The following RAB2A variants were observed in gnomAD, a reference collection of about 807,000 sequenced individuals.
RAB2A encodes the protein RAB2A, member RAS oncogene family.
RAB2A carries 7 observed loss-of-function variants against 32.5 expected under a neutral mutation model. The ratio of observed to expected loss-of-function variants is 0.22; its 90% CI spans 0.12 to 0.40. The LOEUF (loss-of-function observed/expected upper bound fraction) is 0.40, where lower values mean the gene tolerates loss of function less well. Ranked by LOEUF, RAB2A falls within the 10% of genes least tolerant of loss-of-function variation. The pLI is 1.00. For missense variants in RAB2A, 108 were observed against 260.7 expected (o/e 0.41, Z 4.03); for synonymous variants, 79 against 85.2 (o/e 0.93, Z 0.40).
chr8:60,618,242 G>A (rs1274718170), intron 6 of RAB2A, among the ~76,000 whole-genome samples: 2 of 152,152 alleles, frequency 1.3e-5, no homozygotes, highest in African/African-American at 4.8e-5. Flanking sequence ...CTTCATCTTC[G>A]AATATGATGT....
At chr8:60,550,314 A>G (rs932498760) in intron 1 of RAB2A, among the ~76,000 whole-genome samples, 3 of 151,904 alleles carry the variant, frequency 2.0e-5, no homozygotes, top group Admixed American at 1.3e-4. Flanking sequence ...ACTACCCCCA[A>G]TGCAACCACC....
intron 6 of RAB2A, among the ~76,000 whole-genome samples, chr8:60,598,204 A>G (rs1183963788): frequency 2.6e-5 from 4 of 152,230 alleles, no homozygotes; most frequent in Admixed American, 6.5e-5. Flanking sequence ...TCTCACAAAA[A>G]AGAAAAAAAT....
intron 1 of RAB2A, among the ~76,000 whole-genome samples, chr8:60,543,227 C>G (rs567104679): frequency 1.6e-4 from 24 of 152,300 alleles, no homozygotes; most frequent in South Asian, 6.2e-4. Context: ...GAAAGTTGTT[C>G]TGTCACATTT....
Position 60,621,833 on chromosome 8 carries a change from T to C in RAB2A, c.*1064T>C. On this transcript the variant is annotated 3_prime_UTR_variant, in exon 8 of 8. Transcript: ENST00000262646. ...TAAAATATGGTGAGCATCTTGTCTG[T>C]TTTGAAGGGGATATGACAATAAATC... The C allele has an allele frequency of 6.6e-6, 1 of 152,180 alleles. No individual in the cohort carries two copies. The highest frequency in any genetic ancestry group is 1.9e-4 in the East Asian group (1 of 5,194). The allele number at this position is 152,180 out of a possible 1,614,324, so 9.4% of individuals were successfully genotyped here.
chr8:60,547,378 T>C (rs1436939626), intron 1 of RAB2A, among the ~76,000 whole-genome samples: 2 of 152,210 alleles, frequency 1.3e-5, no homozygotes, highest in Admixed American at 6.5e-5. Flanking sequence ...AAACCGCCAT[T>C]GTCATCATGG....
intron 1 of RAB2A, 109 bp downstream of exon 1, chr8:60,517,362 C>T (rs1807222394): frequency 1.9e-6 from 2 of 1,042,262 alleles, no homozygotes; most frequent in Non-Finnish European, 2.6e-6. Context: ...CGGCGCCTCC[C>T]TCCTGGCCGC....
chr8:60,578,883 G>A (rs1005021645), intron 3 of RAB2A, among the ~76,000 whole-genome samples: 4 of 152,182 alleles, frequency 2.6e-5, no homozygotes, highest in African/African-American at 7.2e-5. Flanking sequence ...ATCCTCACAT[G>A]AAAGATGAAG....
chr8:60,529,813 A>G (rs1406946156), intron 1 of RAB2A, among the ~76,000 whole-genome samples: 1 of 152,130 alleles, frequency 6.6e-6, no homozygotes, highest in African/African-American at 2.4e-5. Flanking sequence ...AAAAGATGAT[A>G]CTCCATAGAT....
At position 60,623,478 on chromosome 8, in the gene RAB2A, T is replaced by A. The variant is rs1804561994; in HGVS notation, c.*2709T>A. 6.6e-6 allele frequency: 1 copy of A among 152,176 alleles called. No homozygotes were observed. Among genetic ancestry groups the A allele is most frequent in the Non-Finnish European group, 1.5e-5 (1 of 68,040 alleles). The allele number at this position is 152,176 out of a possible 1,614,324, so 9.4% of individuals were successfully genotyped here. A position where few individuals can be genotyped will look rare whatever the true frequency, so the allele number is the denominator to read the frequency against. ...GTTGGCAGCATGGGGTTTGACTATA[T>A]GAGCTAAAAGATACACAAAGAGATA... is the stretch of plus-strand genomic sequence containing the variant. On this transcript the variant is annotated 3_prime_UTR_variant, in exon 8 of 8. Transcript: ENST00000262646.
intron 2 of RAB2A, among the ~76,000 whole-genome samples, chr8:60,566,637 A>G (rs1416603535): frequency 6.6e-6 from 1 of 152,066 alleles, no homozygotes; most frequent in African/African-American, 2.4e-5. Flanking sequence ...ATATGGGGGT[A>G]CATGTGCATG....
At chr8:60,616,556 A>G (rs894594212) in intron 6 of RAB2A, among the ~76,000 whole-genome samples, 2 of 152,234 alleles carry the variant, frequency 1.3e-5, no homozygotes, top group African/African-American at 4.8e-5. Flanking sequence ...GATAACCTCA[A>G]TTTTGAAGAA....
rs112517785 is a variant in RAB2A at position 60,556,362 on chromosome 8, A to T, written c.47-2490A>T. 4.0e-3 allele frequency among the ~76,000 whole-genome samples: 608 copies of T among 152,312 alleles called. 7 individuals are homozygous for T. The highest frequency in any genetic ancestry group is 0.014 in the African/African-American group (587 of 41,558). ...AATAGCTACAAGAGAGGATTTTTGA[A>T]TGTTACCAACATAACAAAAAATGAT... is the stretch of plus-strand genomic sequence containing the variant. On this transcript the variant is annotated intron_variant, in intron 1 of 7. Transcript: ENST00000262646.
At chr8:60,540,726 C>A (rs1484210534) in intron 1 of RAB2A, among the ~76,000 whole-genome samples, 1 of 152,212 alleles carries the variant, frequency 6.6e-6, no homozygotes, top group African/African-American at 2.4e-5. Context: ...AAGTGATCTG[C>A]CCACCTTGGC....
At chr8:60,580,234 A>C (rs765376277) in intron 3 of RAB2A, among the ~76,000 whole-genome samples, 3 of 151,680 alleles carry the variant, frequency 2.0e-5, no homozygotes, top group Non-Finnish European at 2.9e-5. Context: ...TGACCTCGTG[A>C]TCTGCCTGTC....
At chr8:60,595,962 A>C (rs559645434) in intron 6 of RAB2A, among the ~76,000 whole-genome samples, 1 of 152,372 alleles carries the variant, frequency 6.6e-6, no homozygotes, top group South Asian at 2.1e-4. Flanking sequence ...GAAACTAAAC[A>C]GTACGCTTCT....
At position 60,542,510 on chromosome 8, in the gene RAB2A, G is replaced by A. The variant is rs557351412; in HGVS notation, c.47-16342G>A. Among the ~76,000 whole-genome samples, 228 of 114,716 alleles carry A rather than the reference G, an allele frequency of 2.0e-3. 1 individual carries two copies. The highest frequency in any genetic ancestry group is 9.1e-3 in the African/African-American group (218 of 24,062). 75.3% of individuals were successfully genotyped at this position (114,716 alleles called of 152,430 possible). A position where few individuals can be genotyped will look rare whatever the true frequency, so the allele number is the denominator to read the frequency against. ...CTGCCTGACGACAGAGTGAGAATCC[G>A]TCAAAAAAAAAAGAAAGAACACTTA... On this transcript the variant is annotated intron_variant, in intron 1 of 7. Coordinates refer to ENST00000262646, the MANE Select transcript of RAB2A (RefSeq NM_002865.3).
At chr8:60,575,679 C>A (rs12678742) in intron 3 of RAB2A, among the ~76,000 whole-genome samples, 1 of 129,410 alleles carries the variant, frequency 7.7e-6, no homozygotes. Context: ...TTTTTTGAGA[C>A]GGTGTTTCAC....
chr8:60,531,922 C>T (rs1807482775), intron 1 of RAB2A, among the ~76,000 whole-genome samples: 1 of 152,024 alleles, frequency 6.6e-6, no homozygotes, highest in Middle Eastern at 3.4e-3. Flanking sequence ...CCTGCCACAC[C>T]CTCCCGAGTA....
rs571212921 is a variant in RAB2A, at chr8:60,622,138, T to C, written c.*1369T>C. On this transcript the variant is annotated 3_prime_UTR_variant, in exon 8 of 8. Transcript: ENST00000262646. ...ACCCTTTTTAAAAATTTTGCTAAAA[T>C]GCGACAAATCTCACCATACTGAAAT... The C allele has an allele frequency of 6.6e-6, 1 of 152,348 alleles. No homozygotes were observed. Among genetic ancestry groups the C allele is most frequent in the African/African-American group, 2.4e-5 (1 of 41,590 alleles). 9.4% of individuals were successfully genotyped at this position (152,348 alleles called of 1,614,324 possible). A position where few individuals can be genotyped will look rare whatever the true frequency, so the allele number is the denominator to read the frequency against.
Sources: allele counts gnomAD v4.1 joint callset (sites outside exome capture counted in the v4.1 genomes callset), GRCh38; gene constraint gnomAD v4.1.1; transcripts MANE v1.5; gene names NCBI Gene and HGNC (gene_info 2026-07-23, HGNC 2026-07-21).